Variants in SORCS1 observed in about 807,000 individuals in gnomAD.
The protein encoded by SORCS1 is sortilin related VPS10 domain containing receptor 1.
Under a neutral mutation model 146.1 loss-of-function variants are expected in SORCS1, and 60 were observed. The ratio of observed to expected loss-of-function variants is 0.41; its 90% CI spans 0.33 to 0.51. The LOEUF (loss-of-function observed/expected upper bound fraction) is 0.51. SORCS1 is among the 20% of genes least tolerant of loss of function. The pLI is 0.21. For synonymous variants in SORCS1, 637 were observed against 584.0 expected, an observed-to-expected ratio of 1.09 and a Z score of -1.31; for missense variants, 1,352 against 1,487.6, an observed-to-expected ratio of 0.91 and a Z score of 1.50.
intron 18 of SORCS1, among the ~76,000 whole-genome samples, chr10:106,632,684 T>G (rs1256476110): frequency 6.6e-6 from 1 of 152,218 alleles, no homozygotes; most frequent in Non-Finnish European, 1.5e-5. Context: ...TGGGCTTTCA[T>G]GAGCTTACAG....
intron 5 of SORCS1, among the ~76,000 whole-genome samples, chr10:106,730,535 C>A (rs1856521250): frequency 3.9e-5 from 6 of 152,130 alleles, no homozygotes; most frequent in Admixed American, 3.9e-4. Flanking sequence ...CTGAAATTTG[C>A]CAAACCACCT....
chr10:106,745,417 A>G (rs1857656188), intron 5 of SORCS1, among the ~76,000 whole-genome samples: 1 of 152,072 alleles, frequency 6.6e-6, no homozygotes, highest in Non-Finnish European at 1.5e-5. Context: ...TCTAAAAAAA[A>G]AAAAAGAAAA....
At position 106,835,362 on chromosome 10, in the gene SORCS1, G is replaced by A. The variant is rs78385181; in HGVS notation, c.627-5689C>T. On this transcript the variant is annotated intron_variant, in intron 2 of 25. Coordinates refer to ENST00000263054, the MANE Select transcript of SORCS1 (RefSeq NM_052918.5). The stretch of plus-strand genomic sequence containing the variant: ...GCACAGAAGCAAACTATAAATGATA[G>A]CTTTTGTTACTCATTTTCTAACATT... 8.2e-3 allele frequency among the ~76,000 whole-genome samples: 1,254 copies of A among 152,306 alleles called. 13 individuals are homozygous for A. Among genetic ancestry groups the A allele is most frequent in the African/African-American group, 0.029 (1,203 of 41,568 alleles).
intron 1 of SORCS1, among the ~76,000 whole-genome samples, chr10:107,094,624 T>A (rs185998734): frequency 3.2e-4 from 48 of 152,318 alleles, no homozygotes; most frequent in African/African-American, 1.1e-3. Flanking sequence ...TGATTGGCAA[T>A]AATTAGGTAC....
At chr10:106,828,633 T>C (rs1948400637) in intron 3 of SORCS1, among the ~76,000 whole-genome samples, 1 of 152,222 alleles carries the variant, frequency 6.6e-6, no homozygotes, top group Non-Finnish European at 1.5e-5. Context: ...ACGTTTCTAT[T>C]TCCTGATTAA....
chr10:106,588,190 C>T (rs753911981), intron 24 of SORCS1, among the ~76,000 whole-genome samples: 4 of 152,234 alleles, frequency 2.6e-5, no homozygotes, highest in Non-Finnish European at 4.4e-5. Flanking sequence ...CAGCTCTTGG[C>T]TGGCCTTTGC....
At position 106,846,000 on chromosome 10, in the gene SORCS1, T is replaced by C. The variant is rs1354483073; in HGVS notation, c.627-16327A>G. Among the ~76,000 whole-genome samples, 176 of 130,410 alleles carry C rather than the reference T, an allele frequency of 1.3e-3. 38 individuals are homozygous for C. Among genetic ancestry groups the C allele is most frequent in the Non-Finnish European group, 3.4e-4 (19 of 55,922 alleles). The allele number at this position is 130,410 out of a possible 152,430, so 85.6% of individuals were successfully genotyped here. A position where few individuals can be genotyped will look rare whatever the true frequency, so the allele number is the denominator to read the frequency against. ...AGTTACTGTAGCCTTGTAGCATAGT[T>C]TGCAGTCAGGTAGTGTGATGCCTCC... On this transcript the variant is annotated intron_variant, in intron 2 of 25. Transcript: ENST00000263054.
At chr10:107,147,287 G>C (rs190254181) in intron 1 of SORCS1, among the ~76,000 whole-genome samples, 1 of 152,120 alleles carries the variant, frequency 6.6e-6, no homozygotes, top group Non-Finnish European at 1.5e-5. Context: ...CAACATGGGC[G>C]CTGGTTCTCA....
chr10:107,157,048 G>A (rs1969338551), intron 1 of SORCS1, among the ~76,000 whole-genome samples: 1 of 152,188 alleles, frequency 6.6e-6, no homozygotes, highest in African/African-American at 2.4e-5. Context: ...CAAACAACTT[G>A]AAAAGCTGAA....
At chr10:106,579,141 A>T in intron 25 of SORCS1, 1 of 1,614,104 alleles carries the variant, frequency 6.2e-7, no homozygotes, top group Non-Finnish European at 8.5e-7. Context: ...AGGCCTCCTT[A>T]GTTCAGTCTG....
chr10:107,065,856 G>T (rs1235584208), intron 1 of SORCS1, among the ~76,000 whole-genome samples: 1 of 151,968 alleles, frequency 6.6e-6, no homozygotes, highest in Admixed American at 6.6e-5. Context: ...ATTTAATCCT[G>T]CCAGAAATGC....
chr10:107,130,093 A>C (rs930654684), intron 1 of SORCS1, among the ~76,000 whole-genome samples: 1 of 152,224 alleles, frequency 6.6e-6, no homozygotes, highest in African/African-American at 2.4e-5. Flanking sequence ...GCAATAAAGG[A>C]CCATCCAACT....
rs542931475 is a variant in SORCS1 at position 106,750,041 on chromosome 10, A to T, written c.959+11547T>A. On this transcript the variant is annotated intron_variant, in intron 5 of 25. Coordinates refer to ENST00000263054, the MANE Select transcript of SORCS1 (RefSeq NM_052918.5). ...AATCGATGATTGAATGAACAAGGAT[A>T]AGCATACAAAGACGTGAAGCAAACT... is the stretch of plus-strand genomic sequence containing the variant. Among the ~76,000 whole-genome samples the T allele has an allele frequency of 4.6e-5, 7 of 152,338 alleles. No homozygotes were observed. The South Asian group carries it at 1.4e-3, about 32-fold the overall frequency.
chr10:106,760,229 G>T (rs1301988823), intron 5 of SORCS1, among the ~76,000 whole-genome samples: 1 of 151,992 alleles, frequency 6.6e-6, no homozygotes, highest in Admixed American at 6.6e-5. Flanking sequence ...GGGATCTTGA[G>T]GTCATTAGAT....
intron 5 of SORCS1, among the ~76,000 whole-genome samples, chr10:106,759,163 T>C (rs1858887271): frequency 6.6e-6 from 1 of 152,144 alleles, no homozygotes; most frequent in South Asian, 2.1e-4. Context: ...AGCGAAAGAA[T>C]TGGAGTGGAG....
At chr10:106,990,768 A>G (rs1956733592) in intron 1 of SORCS1, among the ~76,000 whole-genome samples, 1 of 152,204 alleles carries the variant, frequency 6.6e-6, no homozygotes, top group African/African-American at 2.4e-5. Flanking sequence ...CATAAGGTCT[A>G]CTTCTGAAAA....
chr10:106,730,415 C>A (rs886500114), intron 5 of SORCS1, among the ~76,000 whole-genome samples: 14 of 152,202 alleles, frequency 9.2e-5, no homozygotes, highest in African/African-American at 3.1e-4. Flanking sequence ...CTTGCAACAA[C>A]CCCAGTGACA....
intron 1 of SORCS1, among the ~76,000 whole-genome samples, chr10:107,095,341 A>C (rs1379269610): frequency 7.2e-5 from 11 of 152,200 alleles, no homozygotes; most frequent in Non-Finnish European, 1.5e-4. Flanking sequence ...AACATTCTTT[A>C]GTGGGAGCCT....
Position 107,034,824 on chromosome 10 carries a change from C to T in SORCS1, c.559-78244G>A, listed in dbSNP as rs112632414. Among the ~76,000 whole-genome samples the T allele has an allele frequency of 1.8e-3, 269 of 151,854 alleles. 1 individual carries two copies. The highest frequency in any genetic ancestry group is 6.4e-3 in the African/African-American group (266 of 41,444). ...GGACATTGACTCCCAGCCTTTTTCA[C>T]CAGAACTCCTTTTACAATTTTTCCC... On this transcript the variant is annotated intron_variant, in intron 1 of 25. Transcript: ENST00000263054.
Sources: allele counts gnomAD v4.1 joint callset (sites outside exome capture counted in the v4.1 genomes callset), GRCh38; gene constraint gnomAD v4.1.1; transcripts MANE v1.5; gene names NCBI Gene and HGNC (gene_info 2026-07-23, HGNC 2026-07-21).